The following ADGRG4 variants were observed in gnomAD, a reference collection of about 807,000 sequenced individuals.
ADGRG4 encodes adhesion G protein-coupled receptor G4.
Under a neutral mutation model 126.2 loss-of-function variants are expected in ADGRG4, and 122 were observed. The ratio of observed to expected loss-of-function variants is 0.97; its 90% CI spans 0.83 to 1.12. The LOEUF is 1.12. Among genes scored for constraint, ADGRG4 ranks in the 50% most tolerant of loss-of-function variants. The pLI is 0.00. For missense variants in ADGRG4, 2,481 were observed against 2,251.8 expected (o/e 1.10, Z -2.06); for synonymous variants, 943 against 838.7 (o/e 1.12, Z -2.15).
chrX:136,368,234 A>C (rs1332827602), intron 13 of ADGRG4, among the ~76,000 whole-genome samples: 1 of 112,385 alleles, frequency 8.9e-6, no homozygotes, highest in African/African-American at 3.2e-5. Flanking sequence ...TATATAAAGG[A>C]GATAATGTGA....
intron 15 of ADGRG4, among the ~76,000 whole-genome samples, chrX:136,380,598 C>CTTCTTCTTCTTCTTCTTCT (rs2075255080): frequency 1.4e-5 from 1 of 70,890 alleles, no homozygotes; most frequent in Non-Finnish European, 2.9e-5. Context: ...CCTCCTCCTC[C>CTTCTTCTTCTTCTTCTTCT]TCCTCCTCTT....
Position 136,378,916 on chromosome X carries a change from C to T in ADGRG4, c.7776+5852C>T, listed in dbSNP as rs545273489. On this transcript the variant is annotated intron_variant, in intron 15 of 25. Transcript: ENST00000394143. ...TTATGTTTTGTGAAGTATTTTTGCC[C>T]TTACATTCATGAAGAGTATTGGTCT... Among the ~76,000 whole-genome samples the T allele has an allele frequency of 7.2e-5, 8 of 111,781 alleles. No individual in the cohort carries two copies. In the East Asian group the frequency reaches 2.2e-3, roughly 31 times the overall value.
At position 136,343,072 on chromosome X, in the gene ADGRG4, G is replaced by C. The variant is rs573776734; in HGVS notation, c.686-1320G>C. Among the ~76,000 whole-genome samples the C allele has an allele frequency of 3.6e-5, 4 of 110,221 alleles. No homozygotes were observed. The South Asian group carries it at 1.6e-3, about 44-fold the overall frequency. The stretch of plus-strand genomic sequence containing the variant: ...TCCAAGTGAAAGATGATGGTGACTG[G>C]TTAGGGTGGTAAGTGATGGAGATAG... On this transcript the variant is annotated intron_variant, in intron 5 of 25. Transcript: ENST00000394143.
chrX:136,316,282 G>A (rs1257581270), intron 4 of ADGRG4, among the ~76,000 whole-genome samples: 1 of 110,366 alleles, frequency 9.1e-6, no homozygotes, highest in Non-Finnish European at 1.9e-5. Context: ...TGAAACACTT[G>A]AACATTTTAA....
chrX:136,345,248 T>C lies in ADGRG4; in HGVS notation c.1542T>C (p.Ile514=). The part of the protein sequence containing the change: ...VHSLTLPTRL[I]ETTPAPRTAE... ...CATTGACTCTCCCAACTAGGCTTATTGAGACCACACCTGCCCCAAGGACAG... is the reference window on the plus strand; with the variant it reads ...CATTGACTCTCCCAACTAGGCTTATCGAGACCACACCTGCCCCAAGGACAG... The change falls in exon 6 of 26, where the codon ATT becomes ATC. Residue 514 remains isoleucine, a synonymous_variant. Coordinates refer to ENST00000394143, the MANE Select transcript of ADGRG4 (RefSeq NM_153834.4). The C allele has an allele frequency of 8.3e-7, 1 of 1,211,521 alleles. No individual in the cohort carries two copies. Among genetic ancestry groups the C allele is most frequent in the Non-Finnish European group, 1.1e-6 (1 of 895,195 alleles).
At chrX:136,361,929 T>C (rs2075131321) in intron 12 of ADGRG4, among the ~76,000 whole-genome samples, 1 of 112,002 alleles carries the variant, frequency 8.9e-6, no homozygotes, top group South Asian at 3.7e-4. Flanking sequence ...AAGTTTTATG[T>C]AGCAGTAATC....
rs756719617 is a variant in ADGRG4 at position 136,309,065 on chromosome X, A to G, written c.70+218A>G. Reference sequence around the variant, plus strand: ...GATAGAGAGCTGGCCTCAAGAAGGCAGTAGCTTGGACTACTACCTTTGACA... The same window carrying G: ...GATAGAGAGCTGGCCTCAAGAAGGCGGTAGCTTGGACTACTACCTTTGACA... On this transcript the variant is annotated intron_variant, in intron 4 of 25. Transcript: ENST00000394143. Among the ~76,000 whole-genome samples the G allele has an allele frequency of 2.7e-5, 3 of 112,767 alleles. No homozygotes were observed. In the South Asian group the frequency reaches 1.1e-3, roughly 41 times the overall value.
rs761629298 is a variant in ADGRG4, at chrX:136,411,064, AT to A, written c.8936-1191del. Reference sequence around the variant, plus strand: ...CTCCAGGGAATTTGCAATCAAGATAATTTTTTTTTTAAGACAGAGTCTTGCT... The same window carrying A: ...CTCCAGGGAATTTGCAATCAAGATAATTTTTTTTTAAGACAGAGTCTTGCT... On this transcript the variant is annotated intron_variant, in intron 23 of 25. Transcript: ENST00000394143. Among the ~76,000 whole-genome samples the A allele has an allele frequency of 4.0e-3, 434 of 108,835 alleles. 4 individuals carry two copies. Among genetic ancestry groups the A allele is most frequent in the African/African-American group, 0.013 (378 of 29,966 alleles). The allele number at this position is 108,835 out of a possible 115,157, so 94.5% of individuals were successfully genotyped here.
At chrX:136,397,084 C>T (rs1324322311) in intron 19 of ADGRG4, among the ~76,000 whole-genome samples, 3 of 111,309 alleles carry the variant, frequency 2.7e-5, no homozygotes, top group Admixed American at 9.5e-5. Flanking sequence ...CCACCCCGCC[C>T]GGCCCCAAAT....
intron 11 of ADGRG4, 130 bp downstream of exon 11, chrX:136,359,585 A>G: frequency 3.9e-6 from 2 of 519,360 alleles, no homozygotes; most frequent in Non-Finnish European, 6.1e-6. Context: ...TTTTTTTCAT[A>G]TTCTTGGTAC....
intron 15 of ADGRG4, among the ~76,000 whole-genome samples, chrX:136,387,100 A>T (rs1227988530): frequency 2.7e-5 from 3 of 111,705 alleles, no homozygotes; most frequent in Non-Finnish European, 5.6e-5. Context: ...AATCCATTCA[A>T]CAGGGTGGAG....
At chrX:136,319,605 T>G (rs2074826077) in intron 4 of ADGRG4, among the ~76,000 whole-genome samples, 2 of 111,296 alleles carry the variant, frequency 1.8e-5, no homozygotes, top group South Asian at 7.6e-4. Context: ...GGGACTCAAA[T>G]TTGGCTTTTT....
chrX:136,355,375 G>A (rs920893564), intron 8 of ADGRG4, among the ~76,000 whole-genome samples: 4 of 111,162 alleles, frequency 3.6e-5, no homozygotes, highest in African/African-American at 1.3e-4. Context: ...CTTCAACGTT[G>A]AATTTTGGGA....
At chrX:136,370,660 G>C (rs2075186973) in intron 13 of ADGRG4, among the ~76,000 whole-genome samples, 1 of 111,915 alleles carries the variant, frequency 8.9e-6, no homozygotes, top group Non-Finnish European at 1.9e-5. Context: ...TTGGGGAAAA[G>C]GTGAGTGGAA....
chrX:136,386,505 A>C, intron 15 of ADGRG4, among the ~76,000 whole-genome samples: 1 of 111,978 alleles, frequency 8.9e-6, no homozygotes, highest in East Asian at 2.8e-4. Context: ...CCCCCACTAT[A>C]CACCCAGCTA....
At chrX:136,304,499 A>C (rs1029157638) in intron 2 of ADGRG4, among the ~76,000 whole-genome samples, 3 of 112,098 alleles carry the variant, frequency 2.7e-5, no homozygotes, top group Non-Finnish European at 3.8e-5. Flanking sequence ...AGTATATATA[A>C]ATAATTCTCC....
Position 136,416,792 on chromosome X carries a change from A to G in ADGRG4, c.*301A>G. ...AACCCCTGATTGGGGAAAAGGTTGA[A>G]TTTGTGAAACAATCTGCTCCAACCT... On this transcript the variant is annotated 3_prime_UTR_variant, in exon 26 of 26. Coordinates refer to ENST00000394143, the MANE Select transcript of ADGRG4 (RefSeq NM_153834.4). 3 of 197,248 alleles carry G rather than the reference A, an allele frequency of 1.5e-5. No individual in the cohort carries two copies. Among genetic ancestry groups the G allele is most frequent in the Non-Finnish European group, 2.8e-5 (3 of 107,853 alleles). 16.3% of individuals were successfully genotyped at this position (197,248 alleles called of 1,213,427 possible).
chrX:136,378,978 T>G (rs2075244066), intron 15 of ADGRG4, among the ~76,000 whole-genome samples: 2 of 111,905 alleles, frequency 1.8e-5, no homozygotes, highest in Admixed American at 9.5e-5. Context: ...TTGTCAGGCT[T>G]TAGAAAGATT....
chrX:136,327,555 A>G (rs964688504), intron 5 of ADGRG4, among the ~76,000 whole-genome samples: 1 of 110,079 alleles, frequency 9.1e-6, no homozygotes, highest in African/African-American at 3.3e-5. Flanking sequence ...GGACAGACAC[A>G]TAGGTATATT....
Sources: allele counts gnomAD v4.1 joint callset (sites outside exome capture counted in the v4.1 genomes callset), GRCh38; gene constraint gnomAD v4.1.1; transcripts MANE v1.5; gene names NCBI Gene and HGNC (gene_info 2026-07-23, HGNC 2026-07-21).